The following TANGO6 variants were observed in gnomAD, a reference collection of about 807,000 sequenced individuals.
TANGO6 encodes the protein transport and Golgi organization protein 6 homolog.
Under a neutral mutation model 114.2 loss-of-function variants are expected in TANGO6, and 90 were observed. The observed-to-expected ratio is 0.79, with a 90% confidence interval of 0.66 to 0.94. The LOEUF is 0.94. Ranked by LOEUF, TANGO6 falls within the 40% of genes least tolerant of loss-of-function variation. The pLI is 0.00. For missense variants in TANGO6, 1,274 were observed against 1,315.3 expected (o/e 0.97, Z 0.49); for synonymous variants, 477 against 509.8 (o/e 0.94, Z 0.87).
chr16:68,865,249 C>A (rs1479832692), intron 3 of TANGO6, among the ~76,000 whole-genome samples: 3 of 148,466 alleles, frequency 2.0e-5, no homozygotes, highest in African/African-American at 7.5e-5. Flanking sequence ...GCACTCCAGC[C>A]TGGGCTACTG....
chr16:69,062,012 T>C (rs1960125927), intron 17 of TANGO6, among the ~76,000 whole-genome samples: 1 of 152,046 alleles, frequency 6.6e-6, no homozygotes, highest in Non-Finnish European at 1.5e-5. Flanking sequence ...AGAGCGAGAC[T>C]CCATCTCAAA....
At chr16:68,999,812 A>G (rs1347043715) in intron 15 of TANGO6, among the ~76,000 whole-genome samples, 1 of 152,244 alleles carries the variant, frequency 6.6e-6, no homozygotes, top group Non-Finnish European at 1.5e-5. Flanking sequence ...TATTAGTTCA[A>G]TCTATGCAAT....
intron 15 of TANGO6, among the ~76,000 whole-genome samples, chr16:69,000,276 A>AT (rs1331721484): frequency 1.3e-5 from 2 of 152,174 alleles, no homozygotes; most frequent in South Asian, 2.1e-4. Flanking sequence ...CAAATATGTC[A>AT]TTTTTTGACT....
intron 15 of TANGO6, among the ~76,000 whole-genome samples, chr16:69,011,823 A>C (rs1964145924): frequency 6.6e-6 from 1 of 152,220 alleles, no homozygotes; most frequent in Non-Finnish European, 1.5e-5. Context: ...TGATATGCAT[A>C]AATGAATCGA....
At chr16:68,957,599 A>G (rs971492941) in intron 14 of TANGO6, among the ~76,000 whole-genome samples, 3 of 151,846 alleles carry the variant, frequency 2.0e-5, no homozygotes, top group African/African-American at 4.8e-5. Context: ...GGGTTTCACC[A>G]TGTTGGCCAG....
chr16:68,878,546 C>T (rs540334768), intron 6 of TANGO6, among the ~76,000 whole-genome samples: 6 of 152,212 alleles, frequency 3.9e-5, no homozygotes, highest in African/African-American at 7.2e-5. Flanking sequence ...CATGTCTTTT[C>T]TGAAGCATTT....
intron 12 of TANGO6, among the ~76,000 whole-genome samples, chr16:68,924,122 G>C (rs1963134333): frequency 6.6e-6 from 1 of 152,200 alleles, no homozygotes; most frequent in South Asian, 2.1e-4. Context: ...GCAAACCACA[G>C]TGCCTCCAAT....
chr16:68,858,440 GT>G (rs1962035665), intron 1 of TANGO6, among the ~76,000 whole-genome samples: 1 of 152,200 alleles, frequency 6.6e-6, no homozygotes, highest in South Asian at 2.1e-4. Context: ...TCTTGTGACA[GT>G]TTTGATAAGT....
At chr16:68,938,097 A>G (rs1199205334) in intron 14 of TANGO6, among the ~76,000 whole-genome samples, 1 of 151,914 alleles carries the variant, frequency 6.6e-6, no homozygotes, top group African/African-American at 2.4e-5. Flanking sequence ...AGCTTTGCCA[A>G]TACTTGTTAT....
rs1274310697 is a variant in TANGO6 at position 68,872,549 on chromosome 16, G to A, written c.995-2605G>A. ...ACTCCTGACCTCAGGTGATCCGCCCGCCTTGGACTCCCAAAGTGCTGGGAT... is the reference window on the plus strand; with the variant it reads ...ACTCCTGACCTCAGGTGATCCGCCCACCTTGGACTCCCAAAGTGCTGGGAT... On this transcript the variant is annotated intron_variant, in intron 4 of 17. Transcript: ENST00000261778. Among the ~76,000 whole-genome samples, 8 of 151,740 alleles carry A rather than the reference G, an allele frequency of 5.3e-5. 1 individual carries two copies. The South Asian group carries it at 8.3e-4, about 16-fold the overall frequency.
At chr16:68,993,723 A>C (rs552998569) in intron 15 of TANGO6, among the ~76,000 whole-genome samples, 2 of 152,324 alleles carry the variant, frequency 1.3e-5, no homozygotes, top group African/African-American at 4.8e-5. Context: ...TATCTAATTA[A>C]ATTAATTAAA....
rs777746516 is a variant in TANGO6 at position 69,083,547 on chromosome 16, C to T, written c.3171C>T (p.Pro1057=). ...HLLKHVVCLE[P]DDVAKLHAQL... is the part of the protein sequence containing the mutation. ...TGAAGCACGTAGTGTGTCTGGAGCC[C>T]GATGACGTGGCCAAGCTCCATGCCC... Residue 1057 remains proline (P), a synonymous_variant, in exon 18 of 18, where the codon CCC becomes CCT. Coordinates refer to ENST00000261778, the MANE Select transcript of TANGO6 (RefSeq NM_024562.2). The T allele has an allele frequency of 2.8e-5, 45 of 1,611,684 alleles. No homozygotes were observed. The highest frequency in any genetic ancestry group is 1.0e-4 in the South Asian group (9 of 90,390).
At chr16:68,974,201 G>C (rs147762992) in intron 15 of TANGO6, 33 bp downstream of exon 15, 2 of 1,613,562 alleles carry the variant, frequency 1.2e-6, no homozygotes, top group Non-Finnish European at 1.7e-6. Flanking sequence ...CCTGGAAAAG[G>C]GTGGAGGATC....
At chr16:68,943,406 C>T (rs1268579953) in intron 14 of TANGO6, among the ~76,000 whole-genome samples, 3 of 150,278 alleles carry the variant, frequency 2.0e-5, no homozygotes, top group Non-Finnish European at 3.0e-5. Flanking sequence ...CTCTGTCACC[C>T]AGGCTGGAGT....
At chr16:68,895,744 A>T (rs1962695453) in intron 7 of TANGO6, among the ~76,000 whole-genome samples, 1 of 152,196 alleles carries the variant, frequency 6.6e-6, no homozygotes, top group Non-Finnish European at 1.5e-5. Context: ...GTACCATTGC[A>T]TATCTTTCAT....
At chr16:68,965,882 C>T (rs1006363066) in intron 14 of TANGO6, among the ~76,000 whole-genome samples, 39 of 126,930 alleles carry the variant, frequency 3.1e-4, no homozygotes, top group African/African-American at 1.2e-3. Flanking sequence ...CTTATAGTTT[C>T]TTAATAACAA....
At chr16:69,061,587 A>G (rs1960116626) in intron 17 of TANGO6, among the ~76,000 whole-genome samples, 1 of 151,794 alleles carries the variant, frequency 6.6e-6, no homozygotes, top group African/African-American at 2.4e-5. Flanking sequence ...TTATATTTAT[A>G]TTTATTTATT....
intron 15 of TANGO6, among the ~76,000 whole-genome samples, chr16:69,008,274 T>C (rs1470526453): frequency 1.3e-5 from 2 of 152,224 alleles, no homozygotes; most frequent in African/African-American, 4.8e-5. Context: ...TGGTGACATT[T>C]GAAGCACAAA....
intron 15 of TANGO6, among the ~76,000 whole-genome samples, chr16:69,009,438 G>A (rs566207397): frequency 5.9e-5 from 9 of 152,178 alleles, no homozygotes; most frequent in South Asian, 4.2e-4. Context: ...TTATTAGGCC[G>A]GTATATACTA....
Sources: allele counts gnomAD v4.1 joint callset (sites outside exome capture counted in the v4.1 genomes callset), GRCh38; gene constraint gnomAD v4.1.1; transcripts MANE v1.5; gene names NCBI Gene and HGNC (gene_info 2026-07-23, HGNC 2026-07-21).